Variants in MTUS2 observed in about 807,000 individuals in gnomAD.
MTUS2 encodes the protein microtubule-associated tumor suppressor candidate 2.
In MTUS2, 40 loss-of-function variants were observed where a neutral mutation model predicts 114.1. The ratio of observed to expected loss-of-function variants is 0.35; its 90% CI spans 0.27 to 0.46. The LOEUF (loss-of-function observed/expected upper bound fraction) is 0.46. Ranked by LOEUF, MTUS2 falls within the 20% of genes least tolerant of loss-of-function variation. The pLI is 1.00. For synonymous variants in MTUS2, 688 were observed against 672.0 expected (o/e 1.02, Z -0.37); for missense variants, 1,679 against 1,705.4 (o/e 0.98, Z 0.27).
chr13:29,454,157 A>T (rs1276493026), intron 9 of MTUS2, among the ~76,000 whole-genome samples: 1 of 152,248 alleles, frequency 6.6e-6, no homozygotes, highest in Non-Finnish European at 1.5e-5. Flanking sequence ...GCAACTAATC[A>T]TGTAAAGACC....
chr13:29,442,630 C>CGGG (rs1401716329), intron 9 of MTUS2, among the ~76,000 whole-genome samples: 25 of 2,126 alleles, frequency 0.012, no homozygotes, highest in Non-Finnish European at 0.077. Flanking sequence ...TCCCCCAAAC[C>CGGG]AGCACAGGGA....
intron 5 of MTUS2, among the ~76,000 whole-genome samples, chr13:29,121,657 CTTTTTTTT>C (rs547034297): frequency 0.021 from 2,923 of 142,296 alleles, 105 homozygotes; most frequent in African/African-American, 0.07. Context: ...CACTTTTTCA[CTTTTTTTT>C]TTTTTTTTGA....
intron 4 of MTUS2, among the ~76,000 whole-genome samples, chr13:29,054,121 G>A (rs1032291655): frequency 4.6e-5 from 7 of 152,130 alleles, no homozygotes; most frequent in African/African-American, 1.7e-4. Context: ...TGGGCATGTG[G>A]CAATATCTCA....
chr13:28,851,303 A>T (rs1367795929), intron 2 of MTUS2, among the ~76,000 whole-genome samples: 1 of 152,222 alleles, frequency 6.6e-6, no homozygotes, highest in African/African-American at 2.4e-5. Context: ...ATGTTTTTAA[A>T]TGCCATTATG....
intron 8 of MTUS2, among the ~76,000 whole-genome samples, chr13:29,367,188 G>A (rs911127280): frequency 2.0e-5 from 3 of 152,028 alleles, no homozygotes; most frequent in African/African-American, 7.2e-5. Context: ...GGGTAGGGGC[G>A]CCTTGAGAGA....
chr13:28,968,636 TA>T (rs1270005202), intron 2 of MTUS2, among the ~76,000 whole-genome samples: 4 of 152,126 alleles, frequency 2.6e-5, no homozygotes, highest in South Asian at 2.1e-4. Context: ...CTTCATTAAA[TA>T]AAAAAATTTT....
intron 5 of MTUS2, among the ~76,000 whole-genome samples, chr13:29,106,693 A>T (rs916394161): frequency 6.6e-5 from 10 of 151,974 alleles, no homozygotes; most frequent in Non-Finnish European, 1.5e-4. Context: ...CTGTTCACTC[A>T]TCATTTCTGG....
chr13:29,282,689 A>T (rs1209955253), intron 6 of MTUS2, among the ~76,000 whole-genome samples: 1 of 152,206 alleles, frequency 6.6e-6, no homozygotes, highest in South Asian at 2.1e-4. Context: ...TGGCTCATCC[A>T]TACCAGTGTT....
chr13:28,940,666 A>T (rs187112880), intron 2 of MTUS2, among the ~76,000 whole-genome samples: 120 of 152,292 alleles, frequency 7.9e-4, no homozygotes, highest in Non-Finnish European at 1.3e-3. Context: ...AGAAATTGAG[A>T]GTTCAATAGT....
intron 5 of MTUS2, among the ~76,000 whole-genome samples, chr13:29,177,992 T>A (rs1343666679): frequency 6.6e-6 from 1 of 152,132 alleles, no homozygotes; most frequent in African/African-American, 2.4e-5. Flanking sequence ...TTTTTTAGGA[T>A]CCAAGGGTCT....
chr13:29,387,046 T>G (rs1300872850), intron 8 of MTUS2, among the ~76,000 whole-genome samples: 1 of 152,222 alleles, frequency 6.6e-6, no homozygotes, highest in East Asian at 1.9e-4. Context: ...GCTTACTATG[T>G]GCTAGGCAGG....
intron 8 of MTUS2, among the ~76,000 whole-genome samples, chr13:29,433,835 AC>A (rs1027176612): frequency 6.6e-6 from 1 of 152,220 alleles, no homozygotes; most frequent in African/African-American, 2.4e-5. Context: ...GCGTAAAAAA[AC>A]CTTTAACCTT....
At chr13:28,947,932 C>T (rs749385421) in intron 2 of MTUS2, among the ~76,000 whole-genome samples, 1 of 152,158 alleles carries the variant, frequency 6.6e-6, no homozygotes, top group Middle Eastern at 3.4e-3. Flanking sequence ...TTGTGGTTGT[C>T]AATTTCAGTG....
chr13:28,949,147 T>A (rs1305094788), intron 2 of MTUS2, among the ~76,000 whole-genome samples: 1 of 152,210 alleles, frequency 6.6e-6, no homozygotes, highest in East Asian at 1.9e-4. Context: ...TTTTGCTCAT[T>A]TTATGGGAGG....
intron 2 of MTUS2, among the ~76,000 whole-genome samples, chr13:28,909,265 A>G (rs1880250160): frequency 1.3e-5 from 2 of 151,632 alleles, no homozygotes; most frequent in African/African-American, 2.4e-5. Flanking sequence ...CATTGAATCT[A>G]TAAATTACCT....
At chr13:29,338,865 G>A (rs1446277468) in intron 7 of MTUS2, among the ~76,000 whole-genome samples, 1 of 152,200 alleles carries the variant, frequency 6.6e-6, no homozygotes, top group African/African-American at 2.4e-5. Flanking sequence ...GGTGGGCAGG[G>A]GAAAGGTAAG....
intron 4 of MTUS2, among the ~76,000 whole-genome samples, chr13:29,093,411 C>T (rs1890048622): frequency 6.6e-6 from 1 of 152,158 alleles, no homozygotes; most frequent in South Asian, 2.1e-4. Flanking sequence ...CCACTGCTCT[C>T]CAGCCTGGCG....
At chr13:28,999,509 A>G (rs902007686) in intron 2 of MTUS2, among the ~76,000 whole-genome samples, 3 of 152,234 alleles carry the variant, frequency 2.0e-5, no homozygotes, top group Non-Finnish European at 1.5e-5. Flanking sequence ...TAATTGACAA[A>G]TAATATACAT....
chr13:28,994,479 C>T lies in MTUS2; in HGVS notation c.-242-29978C>T, dbSNP rs112299243. Among the ~76,000 whole-genome samples the T allele has an allele frequency of 5.3e-5, 8 of 152,222 alleles. No homozygotes were observed. The South Asian group carries it at 8.3e-4, about 16-fold the overall frequency. On this transcript the variant is annotated intron_variant, in intron 2 of 15. Coordinates refer to ENST00000612955, the MANE Select transcript of MTUS2 (RefSeq NM_001033602.4). ...CTAGATCCCTGAGGAATCGCCACACCGACTTCCACATGGTTGAACTAGTTT... is the reference window on the plus strand; with the variant it reads ...CTAGATCCCTGAGGAATCGCCACACTGACTTCCACATGGTTGAACTAGTTT...
Sources: allele counts gnomAD v4.1 joint callset (sites outside exome capture counted in the v4.1 genomes callset), GRCh38; gene constraint gnomAD v4.1.1; transcripts MANE v1.5; gene names NCBI Gene and HGNC (gene_info 2026-07-23, HGNC 2026-07-21).